The following SH3TC2 variants were observed in gnomAD, a reference collection of about 807,000 sequenced individuals.
The protein encoded by SH3TC2 is SH3 domain and tetratricopeptide repeat-containing protein 2.
In SH3TC2, 87 loss-of-function variants were observed where a neutral mutation model predicts 124.5. The ratio of observed to expected loss-of-function variants is 0.70; its 90% CI spans 0.59 to 0.84. The LOEUF (loss-of-function observed/expected upper bound fraction) is 0.84. SH3TC2 is among the 40% of genes least tolerant of loss of function. SH3TC2 has a pLI of 0.00. For synonymous variants in SH3TC2, 634 were observed against 628.5 expected (o/e 1.01, Z -0.13); for missense variants, 1,536 against 1,566.4 (o/e 0.98, Z 0.33).
At chr5:149,019,139 C>T (rs1753926698) in intron 12 of SH3TC2, among the ~76,000 whole-genome samples, 6 of 152,198 alleles carry the variant, frequency 3.9e-5, no homozygotes, top group Admixed American at 2.0e-4. Flanking sequence ...CCAACAGATA[C>T]ATGTGTTTAT....
chr5:149,044,550 G>A lies in SH3TC2; in HGVS notation c.368C>T (p.Ser123Phe). Residue 123 changes from serine to phenylalanine, a missense_variant, in exon 4 of 17, where the codon TCC (serine) becomes TTC (phenylalanine). By Grantham distance (155) the Ser-to-Phe change is radical. Transcript: ENST00000515425. ...TACCATACCTAAATTAAGGTAGGTGGAGAACTTCCAGATTTCCTCCATGGT... is the reference window on the plus strand; with the variant it reads ...TACCATACCTAAATTAAGGTAGGTGAAGAACTTCCAGATTTCCTCCATGGT... ...FKTMEEIWKF[S>F]TYLNLGYVSM... The A allele has an allele frequency of 6.2e-7, 1 of 1,613,822 alleles. No individual in the cohort carries two copies. The highest frequency in any genetic ancestry group is 8.5e-7 in the Non-Finnish European group (1 of 1,179,822).
In SH3TC2 at chr5:148,997,123, T is replaced by C. The variant is rs2127389491; in HGVS notation, c.*7588A>G. ...ATGTTCCTAATAGCTTTTTCCATGA[T>C]GTCAAAAGTAGGCTATTCTCTCATG... is the stretch of plus-strand genomic sequence containing the variant. On this transcript the variant is annotated 3_prime_UTR_variant, in exon 17 of 17. Transcript: ENST00000515425. Among the ~76,000 whole-genome samples, 1 of 152,348 alleles carries C rather than the reference T, an allele frequency of 6.6e-6. No individual in the cohort carries two copies. The highest frequency in any genetic ancestry group is 1.9e-4 in the East Asian group (1 of 5,182).
At chr5:149,026,782 T>C (rs1412048001) in intron 11 of SH3TC2, 30 bp from the exon 12 acceptor site, 1 of 1,614,242 alleles carries the variant, frequency 6.2e-7, no homozygotes, top group East Asian at 2.2e-5. Context: ...ATGAATGAGA[T>C]GACTTGAGAT....
intron 12 of SH3TC2, among the ~76,000 whole-genome samples, chr5:149,013,437 T>G (rs1196484906): frequency 6.6e-6 from 1 of 152,204 alleles, no homozygotes; most frequent in African/African-American, 2.4e-5. Context: ...CTTTATAGAT[T>G]ACCCAGTCTC....
At chr5:149,007,143 C>T in intron 15 of SH3TC2, 66 bp from the exon 16 acceptor site, 2 of 1,530,510 alleles carry the variant, frequency 1.3e-6, no homozygotes, top group Non-Finnish European at 9.0e-7. Flanking sequence ...TTCACTCATT[C>T]ATTCCATAAA....
chr5:149,027,957 A>T lies in SH3TC2; in HGVS notation c.1775T>A (p.Leu592Ter). 6.2e-7 allele frequency: 1 copy of T among 1,614,138 alleles called. No individual in the cohort carries two copies. Among genetic ancestry groups the T allele is most frequent in the Non-Finnish European group, 8.5e-7 (1 of 1,180,032 alleles). ...QRLRHKGSAL[L>*]EKAGALLACL... ...GGCCAGCAGGGCACCTGCCTTTTCC[A>T]ACAGGGCGGAGCCTTTATGTCTCAG... The change falls in exon 11 of 17, where the codon TTG (leucine) becomes TAG (stop). Residue 592 changes from leucine to a stop codon, truncating the protein, a stop_gained. Coordinates refer to ENST00000515425, the MANE Select transcript of SH3TC2 (RefSeq NM_024577.4). LOFTEE classifies it high-confidence loss of function.
At chr5:149,060,752 G>A (rs1580922688) in intron 1 of SH3TC2, among the ~76,000 whole-genome samples, 1 of 152,138 alleles carries the variant, frequency 6.6e-6, no homozygotes, top group Non-Finnish European at 1.5e-5. Flanking sequence ...TTACTGAAGG[G>A]TTATCAAAAG....
intron 12 of SH3TC2, among the ~76,000 whole-genome samples, chr5:149,018,529 G>C (rs1171625655): frequency 6.6e-6 from 1 of 152,112 alleles, no homozygotes; most frequent in African/African-American, 2.4e-5. Flanking sequence ...CAAGCAAAAA[G>C]GGTTTCCTGT....
At chr5:149,028,964 G>A (rs921930329) in intron 9 of SH3TC2, among the ~76,000 whole-genome samples, 13 of 146,536 alleles carry the variant, frequency 8.9e-5, no homozygotes, top group East Asian at 8.1e-4. Flanking sequence ...CTCAGAGTCC[G>A]AGAAGAAAAC....
rs945895550 is a variant in SH3TC2, at chr5:149,004,788, G to C, written c.3790C>G (p.Pro1264Ala). 10 of 1,614,090 alleles carry C rather than the reference G, an allele frequency of 6.2e-6. No homozygotes were observed. Among genetic ancestry groups the C allele is most frequent in the African/African-American group, 1.3e-5 (1 of 75,034 alleles). Residue 1264 changes from proline to alanine, a missense_variant, in exon 17 of 17, where the codon CCC (proline) becomes GCC (alanine). Coordinates refer to ENST00000515425, the MANE Select transcript of SH3TC2 (RefSeq NM_024577.4). ...CCGGAGGGCCTGCTGTGCCACAGGG[G>C]GCTCTGGCAGATGTTGTCCAGCCTG... ...RSRLDNICQSPLWHSRPSGCS... is the reference protein window; with the variant it reads ...RSRLDNICQSALWHSRPSGCS...
rs1301404607 is a variant in SH3TC2, at chr5:148,995,312, T to C, written c.*9399A>G. On this transcript the variant is annotated 3_prime_UTR_variant, in exon 17 of 17. Transcript: ENST00000515425. The stretch of plus-strand genomic sequence containing the variant: ...TGAAATACTTTAAACCTTGATTCTA[T>C]CACCTGAAAAGGGGAGATAAGGTCA... Among the ~76,000 whole-genome samples the C allele has an allele frequency of 6.6e-6, 1 of 152,192 alleles. No individual in the cohort carries two copies. Among genetic ancestry groups the C allele is most frequent in the Non-Finnish European group, 1.5e-5 (1 of 68,032 alleles).
chr5:149,058,153 T>G (rs1286202593), intron 1 of SH3TC2, among the ~76,000 whole-genome samples: 1 of 152,246 alleles, frequency 6.6e-6, no homozygotes, highest in Non-Finnish European at 1.5e-5. Context: ...GATTTTCAGT[T>G]ATTAATCAAT....
Position 148,999,973 on chromosome 5 carries a change from T to A in SH3TC2, c.*4738A>T, listed in dbSNP as rs576777297. 6.6e-6 allele frequency among the ~76,000 whole-genome samples: 1 copy of A among 152,274 alleles called. No individual in the cohort carries two copies. The highest frequency in any genetic ancestry group is 1.5e-5 in the Non-Finnish European group (1 of 68,014). ...CTGGACCTTTGCTTGACACATGCAC[T>A]GTCTGTCAATACCAACCTGCTGGTC... On this transcript the variant is annotated 3_prime_UTR_variant, in exon 17 of 17. Transcript: ENST00000515425.
At position 149,004,870 on chromosome 5, in the gene SH3TC2, C is replaced by T. The variant is rs561598772; in HGVS notation, c.3708G>A (p.Leu1236=). The change falls in exon 17 of 17, where the codon CTG becomes CTA. Residue 1236 remains leucine, a synonymous_variant. Transcript: ENST00000515425. The part of the protein sequence containing the change: ...DAHDATEYFL[L]ALAAAVLLGD... ...CCAGCAGGACCGCTGCTGCCAGGGC[C>T]AGAAGGAAGTACTCAGTGGCATCAT... 1.4e-5 allele frequency: 23 copies of T among 1,614,162 alleles called. No homozygotes were observed. The South Asian group carries it at 2.1e-4, about 15-fold the overall frequency.
At chr5:149,035,727 C>G (rs1181112426) in intron 8 of SH3TC2, 3 of 152,174 alleles carry the variant, frequency 2.0e-5, no homozygotes, top group African/African-American at 7.2e-5. Context: ...CCACAACTGA[C>G]CAGGCACAGG....
At chr5:149,019,792 G>A (rs1453504417) in intron 12 of SH3TC2, among the ~76,000 whole-genome samples, 1 of 152,130 alleles carries the variant, frequency 6.6e-6, no homozygotes, top group East Asian at 1.9e-4. Flanking sequence ...CTTGTCCCTA[G>A]CTCTGTGGTA....
rs781330133 is a variant in SH3TC2 at position 149,041,579 on chromosome 5, G to A, written c.568C>T (p.Pro190Ser). The stretch of plus-strand genomic sequence containing the variant: ...AAGCATTCCCCTTCCTTCTCGGCTG[G>A]TGGAGTCACGGAGCACAGGGCTCTG... ...FCRALCSVTP[P>S]AEKEGECLTL... Residue 190 changes from proline (P) to serine (S), a missense_variant, in exon 6 of 17, where the codon CCA becomes TCA. Transcript: ENST00000515425. 6.2e-7 allele frequency: 1 copy of A among 1,614,212 alleles called. No homozygotes were observed. Among genetic ancestry groups the A allele is most frequent in the Non-Finnish European group, 8.5e-7 (1 of 1,180,044 alleles).
intron 5 of SH3TC2, among the ~76,000 whole-genome samples, chr5:149,042,169 T>C (rs1754382187): frequency 1.3e-5 from 2 of 152,228 alleles, no homozygotes; most frequent in Non-Finnish European, 2.9e-5. Flanking sequence ...CACCTCATAG[T>C]TGTTAATTGG....
At chr5:149,025,136 A>G (rs1454679207) in intron 12 of SH3TC2, among the ~76,000 whole-genome samples, 1 of 149,734 alleles carries the variant, frequency 6.7e-6, no homozygotes, top group East Asian at 1.9e-4. Flanking sequence ...CTCCAGAAGC[A>G]TCCAGACTCC....
Sources: gnomAD v4.1 joint callset for allele counts (sites outside exome capture counted in the v4.1 genomes callset) on GRCh38, gnomAD v4.1.1 for gene constraint, MANE v1.5 for transcripts, NCBI Gene and HGNC (gene_info 2026-07-23, HGNC 2026-07-21) for gene names.